TOP1MT: variants seen among roughly 807,000 people sequenced by gnomAD.
The protein encoded by TOP1MT is DNA topoisomerase I mitochondrial, also known as DNA topoisomerase I, mitochondrial.
TOP1MT carries 80 observed loss-of-function variants against 73.9 expected under a neutral mutation model. The ratio of observed to expected loss-of-function variants is 1.08; its 90% CI spans 0.90 to 1.30. TOP1MT has a LOEUF of 1.30. Among genes scored for constraint, TOP1MT ranks in the 50% most tolerant of loss-of-function variants. TOP1MT has a pLI of 0.00. For missense variants in TOP1MT, 815 were observed against 808.0 expected (o/e 1.01, Z -0.10); for synonymous variants, 338 against 326.4 (o/e 1.04, Z -0.38).
intron 7 of TOP1MT, among the ~76,000 whole-genome samples, chr8:143,322,734 A>ACG (rs1468194652): frequency 8.1e-5 from 1 of 12,300 alleles, no homozygotes; most frequent in Non-Finnish European, 1.3e-4. Context: ...GGCACGCCAC[A>ACG]CACGCCACAC....
upstream of TOP1MT, among the ~76,000 whole-genome samples, chr8:143,349,716 C>G (rs907689892): frequency 6.6e-6 from 1 of 151,626 alleles, no homozygotes; most frequent in African/African-American, 2.4e-5. Flanking sequence ...TTTCGGCTCA[C>G]TGCAACCTCT....
At position 143,316,084 on chromosome 8, in the gene TOP1MT, G is replaced by A. The variant is rs764275152; in HGVS notation, c.1373C>T (p.Ala458Val). 1 of 1,614,172 alleles carries A rather than the reference G, an allele frequency of 6.2e-7. No homozygotes were observed. Among genetic ancestry groups the A allele is most frequent in the South Asian group, 1.1e-5 (1 of 91,092 alleles). Residue 458 changes from alanine to valine, a missense_variant, in exon 11 of 14, where the codon GCC (alanine) becomes GTC (valine). Ala to Val is a moderately conservative substitution (Grantham distance 64, BLOSUM62 0). Coordinates refer to ENST00000329245, the MANE Select transcript of TOP1MT (RefSeq NM_052963.3). ...GCAGAGAATGGCCACGACTCGGTTG[G>A]CTCGGTTGTAGGATAAGATCTTAGC... ...IAAKILSYNR[A>V]NRVVAILCNH... is the part of the protein sequence containing the mutation.
Position 143,321,243 on chromosome 8 carries a change from C to T in TOP1MT, c.1104G>A (p.Lys368=). 1.2e-6 allele frequency: 2 copies of T among 1,611,972 alleles called. No homozygotes were observed. The highest frequency in any genetic ancestry group is 1.7e-5 in the Admixed American group (1 of 59,882). Residue 368 remains lysine, a synonymous_variant, in exon 8 of 14, where the codon AAG becomes AAA. Transcript: ENST00000329245. ...QHVVEFDFLG[K]DCIRYYNRVP... is the part of the protein sequence containing the mutation. ...CTCTGTTGTAGTAGCGGATGCAGTC[C>T]TTCCCCAGGAAGTCAAATTCCACCA...
chr8:143,325,471 G>A lies in TOP1MT; in HGVS notation c.546C>T (p.His182=), dbSNP rs775455546. The A allele has an allele frequency of 1.2e-6, 2 of 1,613,472 alleles. No individual in the cohort carries two copies. The highest frequency in any genetic ancestry group is 8.5e-7 in the Non-Finnish European group (1 of 1,179,442). Residue 182 remains histidine, a synonymous_variant, in exon 5 of 14, where the codon CAC becomes CAT. Coordinates refer to ENST00000329245, the MANE Select transcript of TOP1MT (RefSeq NM_052963.3). ...TCTTGAAGTTGCCTATTTTTTCTTG[G>A]TGACCATCTAAAATACAGTAGCCGA... ...QEFGYCILDG[H]QEKIGNFKIE... is the part of the protein sequence containing the mutation.
Position 143,329,436 on chromosome 8 carries a change from C to T in TOP1MT, c.274G>A (p.Val92Ile), listed in dbSNP as rs201643002. The T allele has an allele frequency of 1.9e-6, 3 of 1,611,142 alleles. No individual in the cohort carries two copies. The highest frequency in any genetic ancestry group is 1.1e-5 in the South Asian group (1 of 90,684). The change falls in exon 3 of 14, where the codon GTC becomes ATC. Residue 92 changes from valine to isoleucine, a missense_variant. Val to Ile is a conservative substitution (Grantham distance 29). This residue lies in a region of TOP1MT where 751 missense variants were observed against 725.4 expected (regional missense o/e 1.04). Coordinates refer to ENST00000329245, the MANE Select transcript of TOP1MT (RefSeq NM_052963.3). The stretch of plus-strand genomic sequence containing the variant: ...AACATCCTCCCATAAAAAGTGGCGA[C>T]CTCCTCCGCTGCCACGCTCAATCTC... ...PVRLSVAAEE[V>I]ATFYGRMLDH... is the part of the protein sequence containing the mutation.
chr8:143,315,584 T>G (rs1816135452), intron 12 of TOP1MT, 143 bp downstream of exon 12: 2 of 647,930 alleles, frequency 3.1e-6, no homozygotes, highest in Non-Finnish European at 5.3e-6. Context: ...CTTTTATCTC[T>G]TTGTCTTGTG....
chr8:143,323,830 TAC>T (rs901005583), intron 7 of TOP1MT, among the ~76,000 whole-genome samples, 167 bp downstream of exon 7: 75 of 151,312 alleles, frequency 5.0e-4, no homozygotes, highest in African/African-American at 1.8e-3. Flanking sequence ...ATGCACACCC[TAC>T]ACACATGTTC....
upstream of TOP1MT, among the ~76,000 whole-genome samples, chr8:143,356,357 C>A (rs1333326859): frequency 6.6e-6 from 1 of 152,248 alleles, no homozygotes; most frequent in African/African-American, 2.4e-5. Context: ...ACACACGACC[C>A]AGGCAGCATG....
At chr8:143,328,818 G>A (rs1233845497) in intron 3 of TOP1MT, among the ~76,000 whole-genome samples, 1 of 152,226 alleles carries the variant, frequency 6.6e-6, no homozygotes, top group Non-Finnish European at 1.5e-5. Context: ...TCGCAGGTGT[G>A]GGGCAGACAG....
chr8:143,310,160 C>T lies in TOP1MT; in HGVS notation c.1611G>A (p.Leu537=), dbSNP rs747764968. The T allele has an allele frequency of 1.9e-6, 3 of 1,606,860 alleles. No individual in the cohort carries two copies. The highest frequency in any genetic ancestry group is 2.2e-5 in the South Asian group (2 of 90,474). ...CCTCCTTGTCCGTGGCCTGCACACT[C>T]AGCTGCGCCAGCTGCTCCTGCAGCT... ...LEKLQEQLAQ[L]SVQATDKEEN... is the part of the protein sequence containing the mutation. Residue 537 remains leucine, a synonymous_variant, in exon 13 of 14, where the codon CTG becomes CTA. Coordinates refer to ENST00000329245, the MANE Select transcript of TOP1MT (RefSeq NM_052963.3).
rs938623815 is a variant in TOP1MT at position 143,332,394 on chromosome 8, G to C, written c.123-1055C>G. On this transcript the variant is annotated intron_variant, in intron 1 of 13. Coordinates refer to ENST00000329245, the MANE Select transcript of TOP1MT (RefSeq NM_052963.3). ...GGGAGAGGCTTTGGCGAGAGGGTGG[G>C]AGCACCATCAGGATGGGGGAGAGTG... The C allele has an allele frequency of 3.1e-6, 3 of 964,650 alleles. No homozygotes were observed. In the African/African-American group the frequency reaches 5.1e-5, roughly 16 times the overall value. The allele number at this position is 964,650 out of a possible 1,614,324, so 59.8% of individuals were successfully genotyped here.
rs927135506 is a variant in TOP1MT at position 143,310,216 on chromosome 8, C to G, written c.1555G>C (p.Val519Leu). The change falls in exon 13 of 14, where the codon GTC becomes CTC. Residue 519 changes from valine to leucine, a missense_variant and splice_region_variant. Val to Leu is a conservative substitution (Grantham distance 32). Coordinates refer to ENST00000329245, the MANE Select transcript of TOP1MT (RefSeq NM_052963.3). ...AGGAGCCGCCTCTTCTTCTCCAGGA[C>G]ACTGGCAAGAGAAGAGGAGGCCGCG... ...KAQGDGKSRS[V>L]LEKKRRLLEK... 3 of 1,556,018 alleles carry G rather than the reference C, an allele frequency of 1.9e-6. No individual in the cohort carries two copies. The highest frequency in any genetic ancestry group is 1.4e-5 in the African/African-American group (1 of 73,260).
intron 3 of TOP1MT, among the ~76,000 whole-genome samples, chr8:143,328,612 C>G (rs951595390): frequency 1.3e-5 from 2 of 152,260 alleles, no homozygotes; most frequent in Non-Finnish European, 2.9e-5. Flanking sequence ...CAAGTCCTGT[C>G]AGAGGCAACT....
upstream of TOP1MT, among the ~76,000 whole-genome samples, chr8:143,347,123 T>G (rs1479391789): frequency 6.6e-6 from 1 of 152,016 alleles, no homozygotes; most frequent in East Asian, 1.9e-4. Flanking sequence ...CAGCTGGGAT[T>G]ACAGGCATAC....
upstream of TOP1MT, chr8:143,359,405 C>G (rs1430616688): frequency 4.1e-6 from 4 of 985,286 alleles, no homozygotes; most frequent in African/African-American, 5.2e-5. Flanking sequence ...AGCCGTCACT[C>G]TGGGGCAGAA....
Position 143,317,708 on chromosome 8 carries a change from G to A in TOP1MT, c.1330+15C>T. On this transcript the variant is annotated intron_variant, in intron 10 of 13. Transcript: ENST00000329245. Reference sequence around the variant, plus strand: ...TGCTCCCCCCGCGCTGAGTGTGGGTGTGGGGCAGGCTCACCGCGCGTCAGG... The same window carrying A: ...TGCTCCCCCCGCGCTGAGTGTGGGTATGGGGCAGGCTCACCGCGCGTCAGG... The A allele has an allele frequency of 1.2e-6, 2 of 1,609,846 alleles. No homozygotes were observed. The highest frequency in any genetic ancestry group is 1.3e-5 in the African/African-American group (1 of 74,946).
intron 3 of TOP1MT, among the ~76,000 whole-genome samples, chr8:143,328,732 T>C (rs1195120708): frequency 1.3e-5 from 2 of 152,330 alleles, no homozygotes; most frequent in Non-Finnish European, 1.5e-5. Context: ...TGGACTAGCA[T>C]GAGTCACGGA....
intron 7 of TOP1MT, among the ~76,000 whole-genome samples, chr8:143,322,678 C>T (rs1356043146): frequency 1.5e-4 from 17 of 111,536 alleles, no homozygotes; most frequent in Admixed American, 3.4e-4. Context: ...CACACACGCA[C>T]GCCACACACG....
At chr8:143,319,838 G>A (rs145670166) in intron 8 of TOP1MT, among the ~76,000 whole-genome samples, 17 of 149,282 alleles carry the variant, frequency 1.1e-4, no homozygotes, top group African/African-American at 3.4e-4. Context: ...TTTTTAGAAC[G>A]GTCTCAGCCA....
Sources: allele counts gnomAD v4.1 joint callset (sites outside exome capture counted in the v4.1 genomes callset), GRCh38; gene constraint gnomAD v4.1.1; regional missense constraint gnomAD v4.1.1; transcripts MANE v1.5; gene names NCBI Gene and HGNC (gene_info 2026-07-23, HGNC 2026-07-21).